IKZF3: variants seen among roughly 807,000 people sequenced by gnomAD.
IKZF3 encodes the protein zinc finger protein Aiolos.
Under a neutral mutation model 49.0 loss-of-function variants are expected in IKZF3, and 10 were observed. The ratio of observed to expected loss-of-function variants is 0.20; its 90% CI spans 0.13 to 0.35. The LOEUF is 0.35. Among genes scored for constraint, IKZF3 ranks in the 10% least tolerant of loss-of-function variants. IKZF3 has a pLI of 1.00. For missense variants in IKZF3, 498 were observed against 664.8 expected, an observed-to-expected ratio of 0.75 and a Z score of 2.76; for synonymous variants, 209 against 228.2, an observed-to-expected ratio of 0.92 and a Z score of 0.76.
intron 3 of IKZF3, among the ~76,000 whole-genome samples, chr17:39,822,582 CTT>C (rs536009534): frequency 2.8e-4 from 37 of 132,952 alleles, no homozygotes; most frequent in African/African-American, 4.5e-4. Flanking sequence ...GTATTTCTTT[CTT>C]TTTTTTTTTT....
chr17:39,797,425 CTT>C (rs35588873), intron 3 of IKZF3, among the ~76,000 whole-genome samples: 26 of 137,368 alleles, frequency 1.9e-4, no homozygotes, highest in Admixed American at 3.6e-4. Flanking sequence ...TTCTTTCTTT[CTT>C]TTTTTTTTTT....
chr17:39,855,760 GT>G, intron 1 of IKZF3, among the ~76,000 whole-genome samples: 1 of 152,244 alleles, frequency 6.6e-6, no homozygotes, highest in African/African-American at 2.4e-5. Flanking sequence ...TTTCAGAACA[GT>G]TTTTAATTAA....
At chr17:39,831,148 G>A (rs1421903196) in intron 2 of IKZF3, among the ~76,000 whole-genome samples, 2 of 152,082 alleles carry the variant, frequency 1.3e-5, no homozygotes, top group East Asian at 1.9e-4. Flanking sequence ...TTGGGAGGCC[G>A]AGGCGGGCGG....
At chr17:39,831,713 T>C (rs886219229) in intron 2 of IKZF3, among the ~76,000 whole-genome samples, 1 of 152,210 alleles carries the variant, frequency 6.6e-6, no homozygotes, top group Admixed American at 6.5e-5. Context: ...CTGCAAAGTC[T>C]AAATATTTAC....
At chr17:39,835,990 A>C in intron 1 of IKZF3, 1 of 638,864 alleles carries the variant, frequency 1.6e-6, no homozygotes. Context: ...TAGCTCTTGG[A>C]CATGTTGTCC....
At chr17:39,774,346 G>A (rs1220119166) in intron 7 of IKZF3, among the ~76,000 whole-genome samples, 1 of 151,990 alleles carries the variant, frequency 6.6e-6, no homozygotes, top group African/African-American at 2.4e-5. Context: ...GGAAATATAG[G>A]AGAAAGGAGA....
intron 3 of IKZF3, among the ~76,000 whole-genome samples, chr17:39,799,115 G>A (rs1951681074): frequency 6.6e-6 from 1 of 151,954 alleles, no homozygotes; most frequent in Admixed American, 6.6e-5. Flanking sequence ...TCCTACCATA[G>A]ATCTACTAAT....
At chr17:39,844,123 G>A (rs2062559577) in intron 1 of IKZF3, among the ~76,000 whole-genome samples, 1 of 152,158 alleles carries the variant, frequency 6.6e-6, no homozygotes, top group South Asian at 2.1e-4. Flanking sequence ...GTTTCCATTT[G>A]ATGGGGTCTA....
At chr17:39,835,107 C>T in intron 1 of IKZF3, 1 of 448,776 alleles carries the variant, frequency 2.2e-6, no homozygotes, top group Non-Finnish European at 4.4e-6. Context: ...CAAGCCATAG[C>T]TGAGGCCAGG....
chr17:39,855,100 G>C (rs2062999218), intron 1 of IKZF3, among the ~76,000 whole-genome samples: 1 of 152,144 alleles, frequency 6.6e-6, no homozygotes, highest in Non-Finnish European at 1.5e-5. Flanking sequence ...GGGTTGCAGA[G>C]GGCTGCCACA....
intron 3 of IKZF3, among the ~76,000 whole-genome samples, chr17:39,823,842 C>G (rs192562251): frequency 6.6e-6 from 1 of 152,314 alleles, no homozygotes; most frequent in East Asian, 1.9e-4. Flanking sequence ...ATCGGATGTC[C>G]AGACAGAAGT....
At chr17:39,847,041 A>G (rs2062653289) in intron 1 of IKZF3, among the ~76,000 whole-genome samples, 1 of 152,134 alleles carries the variant, frequency 6.6e-6, no homozygotes, top group Admixed American at 6.5e-5. Flanking sequence ...TTAAAAAGAA[A>G]AAGTTTATCT....
At chr17:39,818,635 A>G (rs1222313597) in intron 3 of IKZF3, among the ~76,000 whole-genome samples, 1 of 152,156 alleles carries the variant, frequency 6.6e-6, no homozygotes, top group African/African-American at 2.4e-5. Context: ...AGATCACTTG[A>G]GGTCAGGAGT....
At chr17:39,832,899 GATAA>G (rs1396619889) in intron 1 of IKZF3, among the ~76,000 whole-genome samples, 5 of 152,028 alleles carry the variant, frequency 3.3e-5, no homozygotes, top group Non-Finnish European at 5.9e-5. Flanking sequence ...ACATAGAAAT[GATAA>G]ATACTCAAGG....
chr17:39,835,692 TG>T, intron 1 of IKZF3: 1 of 468,834 alleles, frequency 2.1e-6, no homozygotes, highest in Non-Finnish European at 4.1e-6. Flanking sequence ...GTCCAAGATC[TG>T]GGACTGGAGC....
At chr17:39,831,299 G>A (rs565166372) in intron 2 of IKZF3, among the ~76,000 whole-genome samples, 43 of 149,392 alleles carry the variant, frequency 2.9e-4, no homozygotes, top group Non-Finnish European at 3.7e-4. Context: ...GCTTGAACCC[G>A]GGAGGCTAAG....
chr17:39,770,113 C>G (rs942955910), intron 7 of IKZF3, among the ~76,000 whole-genome samples: 1 of 152,104 alleles, frequency 6.6e-6, no homozygotes, highest in Non-Finnish European at 1.5e-5. Flanking sequence ...CCTGTAGACA[C>G]GATGACTCAA....
intron 3 of IKZF3, among the ~76,000 whole-genome samples, chr17:39,805,458 G>A (rs2061413444): frequency 6.6e-6 from 1 of 152,088 alleles, no homozygotes; most frequent in Non-Finnish European, 1.5e-5. Flanking sequence ...ATGAGTATAA[G>A]GATTAAGAAT....
At chr17:39,831,124 G>A (rs2062096274) in intron 2 of IKZF3, among the ~76,000 whole-genome samples, 1 of 152,216 alleles carries the variant, frequency 6.6e-6, no homozygotes, top group South Asian at 2.1e-4. Flanking sequence ...GCTCATGCCT[G>A]TAATCCCAGC....
Sources: gnomAD v4.1 joint callset for allele counts (sites outside exome capture counted in the v4.1 genomes callset) on GRCh38, gnomAD v4.1.1 for gene constraint, MANE v1.5 for transcripts, NCBI Gene and HGNC (gene_info 2026-07-23, HGNC 2026-07-21) for gene names.